The following INSIG2 variants were observed in gnomAD, a reference collection of about 807,000 sequenced individuals.
The protein encoded by INSIG2 is insulin induced gene 2, also known as insulin-induced gene 2 protein.
In INSIG2, 10 loss-of-function variants were observed where a neutral mutation model predicts 27.2. The ratio of observed to expected loss-of-function variants is 0.37; its 90% CI spans 0.23 to 0.62. The LOEUF (loss-of-function observed/expected upper bound fraction) is 0.62, where lower values mean the gene tolerates loss of function less well. INSIG2 is among the 20% of genes least tolerant of loss of function. INSIG2 has a pLI of 0.65. For missense variants in INSIG2, 178 were observed against 270.2 expected (o/e 0.66, Z 2.39); for synonymous variants, 97 against 95.8 (o/e 1.01, Z -0.07).
intron 2 of INSIG2, among the ~76,000 whole-genome samples, chr2:118,101,860 A>G (rs1678553498): frequency 6.6e-6 from 1 of 152,248 alleles, no homozygotes; most frequent in Non-Finnish European, 1.5e-5. Context: ...TACTCAGCAC[A>G]TGCCTAACTC....
intron 1 of INSIG2, among the ~76,000 whole-genome samples, chr2:118,092,790 T>A (rs972651957): frequency 1.3e-5 from 2 of 151,636 alleles, no homozygotes; most frequent in Non-Finnish European, 2.9e-5. Flanking sequence ...ATGGGTGCCC[T>A]ATAAAGAATA....
At chr2:118,099,672 C>A (rs952621226) in intron 2 of INSIG2, among the ~76,000 whole-genome samples, 1 of 152,128 alleles carries the variant, frequency 6.6e-6, no homozygotes, top group African/African-American at 2.4e-5. Flanking sequence ...TGTGTCCAAA[C>A]GTATGAAAAT....
chr2:118,100,161 A>G (rs1422643146), intron 2 of INSIG2, among the ~76,000 whole-genome samples: 1 of 151,940 alleles, frequency 6.6e-6, no homozygotes, highest in East Asian at 1.9e-4. Flanking sequence ...TAATGAGAGC[A>G]CTATTTCTGC....
At chr2:118,096,234 G>A (rs1294633387) in intron 1 of INSIG2, among the ~76,000 whole-genome samples, 185 bp from the exon 2 acceptor site, 1 of 152,040 alleles carries the variant, frequency 6.6e-6, no homozygotes, top group Non-Finnish European at 1.5e-5. Flanking sequence ...ATTACGTCTT[G>A]CATATAAAAA....
At chr2:118,104,111 A>C (rs1678616509) in intron 3 of INSIG2, among the ~76,000 whole-genome samples, 1 of 152,030 alleles carries the variant, frequency 6.6e-6, no homozygotes, top group South Asian at 2.1e-4. Flanking sequence ...TTTTTCTAGG[A>C]GATGTGGTTT....
Position 118,106,843 on chromosome 2 carries a change from T to C in INSIG2, c.476T>C (p.Val159Ala). The change falls in exon 4 of 6, where the codon GTA (valine) becomes GCA (alanine). Residue 159 changes from valine to alanine, a missense_variant. Val to Ala is a moderately conservative substitution (Grantham distance 64, BLOSUM62 0). Coordinates refer to ENST00000245787, the MANE Select transcript of INSIG2 (RefSeq NM_016133.4). ...TCTAGAAGTGGTTTTGGCCTTGGAG[T>C]AGGAATTGCCTTCTTGGCAACTGTG... Reference protein sequence around the residue: ...DRSRSGFGLGVGIAFLATVVT... With the variant: ...DRSRSGFGLGAGIAFLATVVT... 6.2e-7 allele frequency: 1 copy of C among 1,614,114 alleles called. No homozygotes were observed. The highest frequency in any genetic ancestry group is 8.5e-7 in the Non-Finnish European group (1 of 1,179,976).
intron 3 of INSIG2, 33 bp from the exon 4 acceptor site, chr2:118,106,704 A>G (rs2104540402): frequency 1.9e-6 from 3 of 1,584,560 alleles, no homozygotes; most frequent in East Asian, 2.2e-5. Flanking sequence ...TTTGGTTACA[A>G]CTTTTAAGAT....
intron 1 of INSIG2, among the ~76,000 whole-genome samples, chr2:118,089,665 T>C (rs181488855): frequency 6.6e-6 from 1 of 152,218 alleles, no homozygotes; most frequent in South Asian, 2.1e-4. Flanking sequence ...TTTGTCATTG[T>C]GTTATGTCGT....
intron 1 of INSIG2, among the ~76,000 whole-genome samples, chr2:118,089,135 A>G (rs1233141532): frequency 6.6e-6 from 1 of 152,124 alleles, no homozygotes; most frequent in Non-Finnish European, 1.5e-5. Flanking sequence ...TAATTACTAG[A>G]TTTTAGGGTT....
rs1222696229 is a variant in INSIG2, at chr2:118,110,613, AATAAG to A, written c.*2296_*2300del. On this transcript the variant is annotated 3_prime_UTR_variant, in exon 6 of 6. Transcript: ENST00000245787. Reference sequence around the variant, plus strand: ...TAAATTATTTTCAGGTCCTCTAGAAAATAAGATAATTATAGCAAAAAATAAAATTG... The same window carrying A: ...TAAATTATTTTCAGGTCCTCTAGAAAATAATTATAGCAAAAAATAAAATTG... 2 of 152,242 alleles carry A rather than the reference AATAAG, an allele frequency of 1.3e-5. No homozygotes were observed. Among genetic ancestry groups the A allele is most frequent in the South Asian group, 2.1e-4 (1 of 4,832 alleles). 9.4% of individuals were successfully genotyped at this position (152,242 alleles called of 1,614,324 possible). A position where few individuals can be genotyped will look rare whatever the true frequency, so the allele number is the denominator to read the frequency against.
chr2:118,105,597 C>G (rs931855283), intron 3 of INSIG2, among the ~76,000 whole-genome samples: 1 of 152,092 alleles, frequency 6.6e-6, no homozygotes, highest in African/African-American at 2.4e-5. Context: ...CTTTTTAAAT[C>G]AAGCCTTAAC....
chr2:118,096,335 T>G (rs1678403621), intron 1 of INSIG2, 84 bp from the exon 2 acceptor site: 1 of 422,012 alleles, frequency 2.4e-6, no homozygotes, highest in Admixed American at 4.1e-5. Flanking sequence ...TTTGTCCATT[T>G]AAATTAACTA....
intron 1 of INSIG2, among the ~76,000 whole-genome samples, chr2:118,095,416 C>G (rs1313526604): frequency 6.6e-6 from 1 of 152,160 alleles, no homozygotes; most frequent in African/African-American, 2.4e-5. Context: ...TGAACTAGGT[C>G]AAGTGACTTA....
At chr2:118,099,145 T>G (rs1049566638) in intron 2 of INSIG2, among the ~76,000 whole-genome samples, 17 of 152,232 alleles carry the variant, frequency 1.1e-4, no homozygotes, top group Non-Finnish European at 2.2e-4. Context: ...TGTTTGAGTT[T>G]GTGTGTGTAT....
At position 118,093,798 on chromosome 2, in the gene INSIG2, A is replaced by G. The variant is rs1180495930; in HGVS notation, c.-138-2621A>G. On this transcript the variant is annotated intron_variant, in intron 1 of 5. Coordinates refer to ENST00000245787, the MANE Select transcript of INSIG2 (RefSeq NM_016133.4). Reference sequence around the variant, plus strand: ...CAAAAGCAACCAGATGATGATGTTGATGATGATGAAGGAGAGTTCTGTAGC... The same window carrying G: ...CAAAAGCAACCAGATGATGATGTTGGTGATGATGAAGGAGAGTTCTGTAGC... 5.0e-4 allele frequency among the ~76,000 whole-genome samples: 53 copies of G among 105,182 alleles called. 2 individuals are homozygous for G. The highest frequency in any genetic ancestry group is 1.7e-3 in the African/African-American group (49 of 28,696). The allele number at this position is 105,182 out of a possible 152,430, so 69.0% of individuals were successfully genotyped here.
intron 2 of INSIG2, among the ~76,000 whole-genome samples, chr2:118,101,452 A>T (rs1053184336): frequency 6.6e-6 from 1 of 152,182 alleles, no homozygotes; most frequent in Non-Finnish European, 1.5e-5. Flanking sequence ...CTTTGCACAT[A>T]CATGTCAGTA....
intron 2 of INSIG2, among the ~76,000 whole-genome samples, chr2:118,100,140 C>T (rs1464941229): frequency 1.3e-5 from 2 of 152,078 alleles, no homozygotes; most frequent in African/African-American, 4.8e-5. Flanking sequence ...ATGTCCTCAG[C>T]CACCTCCCTT....
At chr2:118,107,598 G>A (rs1678705590) in intron 5 of INSIG2, among the ~76,000 whole-genome samples, 1 of 152,152 alleles carries the variant, frequency 6.6e-6, no homozygotes, top group Non-Finnish European at 1.5e-5. Context: ...TAGTGATGAA[G>A]GAAAAGGAAA....
intron 2 of INSIG2, among the ~76,000 whole-genome samples, chr2:118,098,076 A>G (rs2551666): frequency 6.6e-6 from 1 of 152,234 alleles, no homozygotes; most frequent in Non-Finnish European, 1.5e-5. Flanking sequence ...AAATAGTCCA[A>G]ATAAAAAACA....
Sources: gnomAD v4.1 joint callset for allele counts (sites outside exome capture counted in the v4.1 genomes callset) on GRCh38, gnomAD v4.1.1 for gene constraint, MANE v1.5 for transcripts, NCBI Gene and HGNC (gene_info 2026-07-23, HGNC 2026-07-21) for gene names.